Variants in AMN1 observed in about 807,000 individuals in gnomAD.
AMN1 encodes the protein protein AMN1 homolog.
Under a neutral mutation model 33.0 loss-of-function variants are expected in AMN1, and 20 were observed. That is an observed-to-expected ratio of 0.61 (90% confidence interval 0.43 to 0.88). The LOEUF (loss-of-function observed/expected upper bound fraction) is 0.88, where lower values mean the gene tolerates loss of function less well. Ranked by LOEUF, AMN1 falls within the 40% of genes least tolerant of loss-of-function variation. The pLI is 0.00. For synonymous variants in AMN1, 114 were observed against 111.9 expected, an observed-to-expected ratio of 1.02 and a Z score of -0.12; for missense variants, 246 against 307.4, an observed-to-expected ratio of 0.80 and a Z score of 1.49.
intron 5 of AMN1, among the ~76,000 whole-genome samples, chr12:31,692,586 T>TAA (rs76963075): frequency 0.06 from 9,111 of 152,130 alleles, 395 homozygotes; most frequent in Non-Finnish European, 0.094. Flanking sequence ...TTAGGACTGT[T>TAA]AAAAAAATAT....
intron 5 of AMN1, among the ~76,000 whole-genome samples, chr12:31,689,791 C>G (rs1938423957): frequency 6.6e-6 from 1 of 152,054 alleles, no homozygotes; most frequent in African/African-American, 2.4e-5. Flanking sequence ...TTTTGGGGAA[C>G]AGGTGGTATT....
chr12:31,720,540 C>CA (rs764141018), intron 1 of AMN1, among the ~76,000 whole-genome samples: 16,069 of 124,570 alleles, frequency 0.13, 1,094 homozygotes, highest in East Asian at 0.3. Context: ...AACTCTGTCT[C>CA]AAAAAAAAAA....
rs906381413 is a variant in AMN1, at chr12:31,672,150, C to G, written c.*154G>C. ...AGTAAAGCACAAACCATGTATATAC[C>G]AAGACTTAGCTAATTCTCTGAGAGT... On this transcript the variant is annotated 3_prime_UTR_variant, in exon 7 of 7. Transcript: ENST00000281471. 5.0e-6 allele frequency: 3 copies of G among 601,638 alleles called. No homozygotes were observed. Among genetic ancestry groups the G allele is most frequent in the Non-Finnish European group, 8.9e-6 (3 of 338,784 alleles). 37.3% of individuals were successfully genotyped at this position (601,638 alleles called of 1,614,324 possible).
rs1939028282 is a variant in AMN1, at chr12:31,702,017, A to G, written c.172-10T>C. 1 of 1,573,954 alleles carries G rather than the reference A, an allele frequency of 6.4e-7. No individual in the cohort carries two copies. The highest frequency in any genetic ancestry group is 1.2e-5 in the South Asian group (1 of 83,120). On this transcript the variant is annotated splice_polypyrimidine_tract_variant and intron_variant, in intron 2 of 6. Coordinates refer to ENST00000281471, the MANE Select transcript of AMN1 (RefSeq NM_001113402.2). The stretch of plus-strand genomic sequence containing the variant: ...CTTCAGGATGTAAAATCTATAACAA[A>G]TAAGTGATTTTGAAAAAATTATTTC...
At chr12:31,718,361 G>T (rs1409478435) in intron 1 of AMN1, among the ~76,000 whole-genome samples, 1 of 152,018 alleles carries the variant, frequency 6.6e-6, no homozygotes, top group Non-Finnish European at 1.5e-5. Flanking sequence ...GTTAGAACAT[G>T]CTTCTTTAGC....
intron 1 of AMN1, among the ~76,000 whole-genome samples, chr12:31,716,690 T>C (rs541043470): frequency 1.3e-5 from 2 of 152,336 alleles, no homozygotes; most frequent in East Asian, 3.9e-4. Context: ...TTGGGTTAAT[T>C]ATGTTTCTTA....
chr12:31,697,405 C>T lies in AMN1; in HGVS notation c.547G>A (p.Gly183Ser). 1 of 1,612,860 alleles carries T rather than the reference C, an allele frequency of 6.2e-7. No homozygotes were observed. The highest frequency in any genetic ancestry group is 8.5e-7 in the Non-Finnish European group (1 of 1,179,310). The change falls in exon 5 of 7, where the codon GGT (glycine) becomes AGT (serine). Residue 183 changes from glycine (G) to serine (S), a missense_variant. Physicochemically the swap from Gly to Ser is moderately conservative, Grantham distance 56. Transcript: ENST00000281471. ...GGTCCACTAACAAGTGCAATCACACCACTGTCAGATACCTAAGCAAAGGGA... is the reference window on the plus strand; with the variant it reads ...GGTCCACTAACAAGTGCAATCACACTACTGTCAGATACCTAAGCAAAGGGA... ...DFSATQVSDS[G>S]VIALVSGPCA...
intron 6 of AMN1, among the ~76,000 whole-genome samples, chr12:31,688,762 G>A (rs1484237314): frequency 6.6e-6 from 1 of 152,118 alleles, no homozygotes; most frequent in Non-Finnish European, 1.5e-5. Flanking sequence ...AGTGAGCTGA[G>A]ATTGCACCAT....
intron 1 of AMN1, among the ~76,000 whole-genome samples, chr12:31,723,133 G>C (rs1348312026): frequency 6.6e-6 from 1 of 152,026 alleles, no homozygotes; most frequent in Non-Finnish European, 1.5e-5. Flanking sequence ...ACTCCAGCCT[G>C]GGCAACAGAG....
chr12:31,724,197 G>C (rs1028307708), intron 1 of AMN1, among the ~76,000 whole-genome samples: 2 of 152,060 alleles, frequency 1.3e-5, no homozygotes, highest in African/African-American at 4.8e-5. Flanking sequence ...AGTAAGAGAT[G>C]AACAACAACA....
intron 6 of AMN1, among the ~76,000 whole-genome samples, chr12:31,679,135 C>T (rs1937880664): frequency 6.6e-6 from 1 of 151,840 alleles, no homozygotes; most frequent in African/African-American, 2.4e-5. Flanking sequence ...TGGCGAAACC[C>T]CGTCTCTATT....
chr12:31,689,277 A>G (rs1338245367), intron 5 of AMN1, among the ~76,000 whole-genome samples, 159 bp from the exon 6 acceptor site: 1 of 152,260 alleles, frequency 6.6e-6, no homozygotes, highest in Non-Finnish European at 1.5e-5. Context: ...GTAATTTGGA[A>G]GGAGCAGCTT....
intron 3 of AMN1, among the ~76,000 whole-genome samples, chr12:31,701,030 G>A (rs1354094662): frequency 6.6e-5 from 9 of 136,414 alleles, no homozygotes; most frequent in Non-Finnish European, 1.4e-4. Flanking sequence ...AGAGAGTTTT[G>A]CTCTCATTGC....
At chr12:31,680,074 G>C (rs1290498055) in intron 6 of AMN1, among the ~76,000 whole-genome samples, 3 of 143,458 alleles carry the variant, frequency 2.1e-5, no homozygotes, top group African/African-American at 7.7e-5. Context: ...AGTGAACCAA[G>C]ATCGCACCAC....
At chr12:31,717,835 T>C (rs1406994160) in intron 1 of AMN1, among the ~76,000 whole-genome samples, 3 of 152,170 alleles carry the variant, frequency 2.0e-5, no homozygotes, top group Non-Finnish European at 4.4e-5. Flanking sequence ...AAGCCCTGCA[T>C]GCACTAGGTA....
intron 2 of AMN1, among the ~76,000 whole-genome samples, chr12:31,703,388 C>A (rs1208187442): frequency 6.6e-6 from 1 of 152,136 alleles, no homozygotes. Flanking sequence ...TTCAATTGAA[C>A]CCATCACCCA....
chr12:31,690,346 G>A (rs1938448112), intron 5 of AMN1, among the ~76,000 whole-genome samples: 1 of 152,186 alleles, frequency 6.6e-6, no homozygotes, highest in Non-Finnish European at 1.5e-5. Context: ...GTTTTCAATA[G>A]TGGTTGTACT....
chr12:31,683,525 G>A lies in AMN1; in HGVS notation c.703+5482C>T, dbSNP rs977101069. On this transcript the variant is annotated intron_variant, in intron 6 of 6. Coordinates refer to ENST00000281471, the MANE Select transcript of AMN1 (RefSeq NM_001113402.2). The surrounding 1 kb of genome is among the most constrained non-coding windows in gnomAD (Gnocchi z 4.1). ...TTCCCATGTGTCGTGAGAGGGACCC[G>A]GTGGGAGGTAATTGAATCATGGGGG... 2.6e-5 allele frequency among the ~76,000 whole-genome samples: 4 copies of A among 152,166 alleles called. No individual in the cohort carries two copies. The highest frequency in any genetic ancestry group is 1.9e-4 in the East Asian group (1 of 5,200).
intron 5 of AMN1, among the ~76,000 whole-genome samples, chr12:31,692,109 T>G (rs1489666884): frequency 6.6e-6 from 1 of 150,800 alleles, no homozygotes; most frequent in East Asian, 2.0e-4. Context: ...AACTCTGACC[T>G]CAAGTGATCC....
Sources: allele counts gnomAD v4.1 joint callset (sites outside exome capture counted in the v4.1 genomes callset), GRCh38; gene constraint gnomAD v4.1.1; non-coding constraint Gnocchi (gnomAD v3.1); transcripts MANE v1.5; gene names NCBI Gene and HGNC (gene_info 2026-07-23, HGNC 2026-07-21).